The following RASSF3 variants were observed in gnomAD, a reference collection of about 807,000 sequenced individuals.
RASSF3 encodes the protein ras association domain-containing protein 3.
RASSF3 carries 19 observed loss-of-function variants against 19.9 expected under a neutral mutation model. The observed-to-expected ratio is 0.96, with a 90% CI of 0.67 to 1.40. The LOEUF (loss-of-function observed/expected upper bound fraction) is 1.40. Ranked by LOEUF, RASSF3 falls within the 40% of genes most tolerant of loss-of-function variation. The probability of loss-of-function intolerance (pLI) is 0.00; values close to 1 mark genes in which losing one functional copy is unlikely to be tolerated. For missense variants in RASSF3, 306 were observed against 289.8 expected (o/e 1.06, Z -0.41); for synonymous variants, 110 against 104.2 (o/e 1.06, Z -0.34).
chr12:64,692,329 T>C (rs1377576854), intron 4 of RASSF3, among the ~76,000 whole-genome samples: 3 of 152,244 alleles, frequency 2.0e-5, no homozygotes, highest in Non-Finnish European at 4.4e-5. Context: ...CTCTGTTTCC[T>C]ACTGTTTGTT....
intron 1 of RASSF3, among the ~76,000 whole-genome samples, chr12:64,514,406 C>T (rs1053076319): frequency 1.3e-5 from 2 of 151,906 alleles, no homozygotes; most frequent in African/African-American, 2.4e-5. Context: ...AGGATGGTCC[C>T]GATCTCTTGA....
chr12:64,617,639 C>CA (rs768927520), intron 1 of RASSF3, among the ~76,000 whole-genome samples: 5 of 152,200 alleles, frequency 3.3e-5, no homozygotes, highest in Non-Finnish European at 7.3e-5. Context: ...CTCACCGCAA[C>CA]CTCTGCCTCC....
intron 1 of RASSF3, among the ~76,000 whole-genome samples, chr12:64,652,271 A>G (rs1406834409): frequency 2.0e-5 from 3 of 152,178 alleles, no homozygotes; most frequent in African/African-American, 7.2e-5. Context: ...ATTTTGCTTT[A>G]AAGACAATGT....
chr12:64,694,650 G>T (rs1467850607), intron 4 of RASSF3, 113 bp from the exon 5 acceptor site: 50 of 1,165,350 alleles, frequency 4.3e-5, no homozygotes, highest in Non-Finnish European at 1.2e-6. Context: ...CACCTTCTGC[G>T]GCATGGGGCT....
chr12:64,548,267 T>G (rs1305887047), intron 2 of RASSF3, among the ~76,000 whole-genome samples: 2 of 152,106 alleles, frequency 1.3e-5, no homozygotes, highest in Non-Finnish European at 2.9e-5. Flanking sequence ...GCAGTCTTGA[T>G]CTCCTGGGCT....
intron 2 of RASSF3, among the ~76,000 whole-genome samples, chr12:64,578,162 G>T (rs1427154751): frequency 1.3e-5 from 2 of 152,126 alleles, no homozygotes; most frequent in African/African-American, 2.4e-5. Flanking sequence ...GGCGAAGGTT[G>T]CAGTGAGCCA....
chr12:64,678,561 G>GC (rs1872990568), intron 1 of RASSF3, among the ~76,000 whole-genome samples: 1 of 149,306 alleles, frequency 6.7e-6, no homozygotes, highest in Non-Finnish European at 1.5e-5. Flanking sequence ...CTCAATCAGA[G>GC]CATCTGTGCT....
At chr12:64,683,769 A>G (rs1873224063) in intron 1 of RASSF3, among the ~76,000 whole-genome samples, 1 of 152,250 alleles carries the variant, frequency 6.6e-6, no homozygotes, top group South Asian at 2.1e-4. Flanking sequence ...TCTAGCAGGC[A>G]TGCTGAGGAA....
chr12:64,611,283 G>A (rs1870354546), intron 1 of RASSF3, among the ~76,000 whole-genome samples: 1 of 152,226 alleles, frequency 6.6e-6, no homozygotes, highest in Non-Finnish European at 1.5e-5. Context: ...GCCACCATAG[G>A]CTCTCACTAA....
intron 1 of RASSF3, among the ~76,000 whole-genome samples, chr12:64,658,231 G>T (rs1027628550): frequency 1.3e-5 from 2 of 152,126 alleles, no homozygotes; most frequent in African/African-American, 4.8e-5. Context: ...TAAAGCTAGA[G>T]TGTCTCTAAA....
intron 1 of RASSF3, among the ~76,000 whole-genome samples, chr12:64,669,347 C>T (rs1209378566): frequency 2.0e-5 from 3 of 152,020 alleles, no homozygotes; most frequent in African/African-American, 7.3e-5. Flanking sequence ...TGATGTAGTC[C>T]TTCTTGGCTT....
chr12:64,574,184 G>A (rs1032564785), intron 2 of RASSF3, among the ~76,000 whole-genome samples: 1 of 151,644 alleles, frequency 6.6e-6, no homozygotes, highest in Non-Finnish European at 1.5e-5. Context: ...GATGGCTGGG[G>A]CTTGTAGTCC....
intron 2 of RASSF3, among the ~76,000 whole-genome samples, chr12:64,572,605 C>T (rs1869536674): frequency 6.6e-6 from 1 of 151,994 alleles, no homozygotes; most frequent in South Asian, 2.1e-4. Flanking sequence ...ATCACTGAAC[C>T]CCAGCACCAA....
intron 1 of RASSF3, among the ~76,000 whole-genome samples, chr12:64,624,686 G>A (rs558475050): frequency 6.6e-6 from 1 of 152,244 alleles, no homozygotes; most frequent in Non-Finnish European, 1.5e-5. Flanking sequence ...TTGAGACGGA[G>A]TCTTGCTCTG....
chr12:64,547,775 A>G (rs1386712655), intron 2 of RASSF3, among the ~76,000 whole-genome samples: 3 of 152,124 alleles, frequency 2.0e-5, no homozygotes, highest in African/African-American at 7.2e-5. Flanking sequence ...CCCCCCCACA[A>G]CCTTGATTCA....
chr12:64,654,301 T>G (rs1210503797), intron 1 of RASSF3: 1 of 152,178 alleles, frequency 6.6e-6, no homozygotes, highest in Non-Finnish European at 1.5e-5. Context: ...ATTACAGGCA[T>G]GCACCACCAC....
At position 64,688,123 on chromosome 12, in the gene RASSF3, G is replaced by A. The variant is rs1383677892; in HGVS notation, c.220-93G>A. On this transcript the variant is annotated intron_variant, in intron 2 of 4. Transcript: ENST00000542104. ...CAAACCTCAAGAGAAGAGAACAAAG[G>A]AGTGTTTCACCTTCCCGTTTTGTTT... The A allele has an allele frequency of 3.0e-5, 25 of 845,076 alleles. No individual in the cohort carries two copies. The East Asian group carries it at 5.1e-4, about 17-fold the overall frequency. The allele number at this position is 845,076 out of a possible 1,614,324, so 52.3% of individuals were successfully genotyped here.
chr12:64,569,478 C>T (rs1039919616), intron 2 of RASSF3, among the ~76,000 whole-genome samples: 2 of 152,188 alleles, frequency 1.3e-5, no homozygotes, highest in African/African-American at 4.8e-5. Context: ...AAATCTCTCC[C>T]GAACGTTGCC....
rs545203938 is a variant in RASSF3, at chr12:64,579,813, T to TG, written c.294+38108_294+38109insG. Reference sequence around the variant, plus strand: ...CAAAACTAGGTGTTTTTTTGGGTTTTTTTTTTTTTTTTTAAAGACAGAGTA... The same window carrying TG: ...CAAAACTAGGTGTTTTTTTGGGTTTTGTTTTTTTTTTTTTAAAGACAGAGTA... On this transcript the variant is annotated intron_variant, in intron 2 of 5. Coordinates refer to the RASSF3 transcript ENST00000637125. Among the ~76,000 whole-genome samples the TG allele has an allele frequency of 1.2e-3, 181 of 150,662 alleles. 1 individual carries two copies. The highest frequency in any genetic ancestry group is 1.1e-3 in the Non-Finnish European group (71 of 67,588).
Sources: gnomAD v4.1 joint callset for allele counts (sites outside exome capture counted in the v4.1 genomes callset) on GRCh38, gnomAD v4.1.1 for gene constraint, MANE v1.5 for transcripts, NCBI Gene and HGNC (gene_info 2026-07-23, HGNC 2026-07-21) for gene names.